KDM4C: variants seen among roughly 807,000 people sequenced by gnomAD.
KDM4C encodes the protein lysine-specific demethylase 4C.
Under a neutral mutation model 129.3 loss-of-function variants are expected in KDM4C, and 81 were observed. That is an observed-to-expected ratio of 0.63 (90% CI 0.52 to 0.75). The LOEUF (loss-of-function observed/expected upper bound fraction) is 0.75. KDM4C is among the 30% of genes least tolerant of loss of function. KDM4C has a pLI of 0.00. For synonymous variants in KDM4C, 573 were observed against 456.1 expected (o/e 1.26, Z -3.26); for missense variants, 1,457 against 1,304.0 (o/e 1.12, Z -1.81).
chr9:6,970,719 C>G (rs1831822012), intron 8 of KDM4C, among the ~76,000 whole-genome samples: 1 of 152,082 alleles, frequency 6.6e-6, no homozygotes, highest in Non-Finnish European at 1.5e-5. Context: ...TGTTCTTGGA[C>G]AAAGGGAAGG....
At chr9:6,800,824 C>A (rs977439724) in intron 2 of KDM4C, among the ~76,000 whole-genome samples, 1 of 152,058 alleles carries the variant, frequency 6.6e-6, no homozygotes, top group Non-Finnish European at 1.5e-5. Context: ...GCTGAGCTTT[C>A]GCCATGTTGC....
intron 8 of KDM4C, chr9:6,947,943 GT>G (rs1046805790): frequency 1.3e-5 from 2 of 151,840 alleles, no homozygotes; most frequent in Non-Finnish European, 2.9e-5. Context: ...TTTTTTATTG[GT>G]TTGTCAGTCT....
At chr9:6,819,515 G>C (rs1026464603) in intron 4 of KDM4C, among the ~76,000 whole-genome samples, 3 of 152,228 alleles carry the variant, frequency 2.0e-5, no homozygotes, top group Non-Finnish European at 4.4e-5. Context: ...TCTGCAGGCT[G>C]TGTGGAAGCA....
chr9:7,026,915 C>T (rs528665090), intron 15 of KDM4C, among the ~76,000 whole-genome samples: 32 of 152,150 alleles, frequency 2.1e-4, no homozygotes, highest in African/African-American at 7.0e-4. Context: ...CATTTTTCAA[C>T]TCAGAATTTC....
intron 18 of KDM4C, among the ~76,000 whole-genome samples, chr9:7,109,042 A>G (rs1587686504): frequency 6.6e-6 from 1 of 152,218 alleles, no homozygotes; most frequent in Non-Finnish European, 1.5e-5. Context: ...TTAATTAGCC[A>G]AGGATGCAGA....
intron 18 of KDM4C, among the ~76,000 whole-genome samples, chr9:7,114,929 A>G (rs1431899372): frequency 6.6e-6 from 1 of 152,080 alleles, no homozygotes; most frequent in Non-Finnish European, 1.5e-5. Flanking sequence ...AAATACTAAA[A>G]TTAGCTGGTC....
intron 17 of KDM4C, among the ~76,000 whole-genome samples, chr9:7,086,677 G>T (rs1478356795): frequency 6.6e-6 from 1 of 152,168 alleles, no homozygotes; most frequent in East Asian, 1.9e-4. Flanking sequence ...CTGCTACGGG[G>T]TTACCAGCAG....
Position 7,175,344 on chromosome 9 carries a change from G to T in KDM4C, c.*615G>T, listed in dbSNP as rs906807528. On this transcript the variant is annotated 3_prime_UTR_variant, in exon 22 of 22. Transcript: ENST00000381309. ...TTTGATTGTGTCTGATGGGAACTGA[G>T]TTGTTGGCCTTTGTGAAATGAAATT... The T allele has an allele frequency of 1.3e-5, 2 of 152,628 alleles. No homozygotes were observed. The highest frequency in any genetic ancestry group is 6.5e-5 in the Admixed American group (1 of 15,282). The allele number at this position is 152,628 out of a possible 1,614,324, so 9.5% of individuals were successfully genotyped here.
At chr9:6,745,333 TCG>T (rs1817838909) in intron 1 of KDM4C, among the ~76,000 whole-genome samples, 2 of 152,064 alleles carry the variant, frequency 1.3e-5, no homozygotes, top group Non-Finnish European at 2.9e-5. Context: ...GGATGGTGGC[TCG>T]CACCTATAAT....
At chr9:6,804,031 T>A (rs555016940) in intron 2 of KDM4C, among the ~76,000 whole-genome samples, 28 of 152,232 alleles carry the variant, frequency 1.8e-4, no homozygotes, top group African/African-American at 6.3e-4. Context: ...CCATACTGGC[T>A]AGGCTGGTCT....
chr9:7,129,141 T>C lies in KDM4C; in HGVS notation c.2781+905T>C, dbSNP rs73403353. On this transcript the variant is annotated intron_variant, in intron 19 of 21. Transcript: ENST00000381309. ...TCATTCTGGGTCTCTGTTGATGCTT[T>C]GCTTTTGTTTGTATTTGGAAAGATA... 7.9e-3 allele frequency among the ~76,000 whole-genome samples: 1,201 copies of C among 152,302 alleles called. 12 individuals are homozygous for C. The highest frequency in any genetic ancestry group is 0.027 in the African/African-American group (1,124 of 41,566).
At chr9:7,114,154 T>A (rs1485410517) in intron 18 of KDM4C, among the ~76,000 whole-genome samples, 2 of 152,164 alleles carry the variant, frequency 1.3e-5, no homozygotes, top group Non-Finnish European at 2.9e-5. Flanking sequence ...CTACTCCTTA[T>A]TCTGTTTTCT....
intron 5 of KDM4C, among the ~76,000 whole-genome samples, chr9:6,858,190 A>T (rs1398782400): frequency 6.6e-6 from 1 of 152,074 alleles, no homozygotes; most frequent in Admixed American, 6.5e-5. Flanking sequence ...GCAAAATCTT[A>T]CCCATTGTGA....
intron 17 of KDM4C, among the ~76,000 whole-genome samples, chr9:7,067,805 T>C (rs554174630): frequency 1.3e-5 from 2 of 151,334 alleles, no homozygotes; most frequent in South Asian, 4.2e-4. Flanking sequence ...ATTTTTGACT[T>C]TTTTTTTTGA....
At chr9:7,049,944 A>G (rs577944257) in intron 17 of KDM4C, among the ~76,000 whole-genome samples, 1 of 152,206 alleles carries the variant, frequency 6.6e-6, no homozygotes, top group East Asian at 1.9e-4. Flanking sequence ...GTGGACTTAA[A>G]ACTCTAGAAT....
chr9:6,752,953 T>TCC (rs1242546229), upstream of KDM4C, among the ~76,000 whole-genome samples: 13 of 152,318 alleles, frequency 8.5e-5, no homozygotes, highest in Admixed American at 7.8e-4. Flanking sequence ...CTATGATCAT[T>TCC]AATGGAAGAA....
chr9:7,174,455 T>C (rs1024655622), intron 21 of KDM4C, 98 bp from the exon 22 acceptor site: 10 of 1,171,186 alleles, frequency 8.5e-6, no homozygotes, highest in Middle Eastern at 2.3e-4. Context: ...GACCTGGGCA[T>C]CTGCACCCTA....
intron 3 of KDM4C, among the ~76,000 whole-genome samples, chr9:6,812,998 A>G (rs995430156): frequency 6.6e-6 from 1 of 152,100 alleles, no homozygotes; most frequent in Non-Finnish European, 1.5e-5. Flanking sequence ...CAACATGGAG[A>G]AACCCCGTCT....
At chr9:7,003,430 G>T (rs1275164642) in intron 12 of KDM4C, among the ~76,000 whole-genome samples, 1 of 149,892 alleles carries the variant, frequency 6.7e-6, no homozygotes, top group Non-Finnish European at 1.5e-5. Flanking sequence ...ATTATCATGG[G>T]TGTTTTTTTT....
Sources: allele counts gnomAD v4.1 joint callset (sites outside exome capture counted in the v4.1 genomes callset), GRCh38; gene constraint gnomAD v4.1.1; transcripts MANE v1.5; gene names NCBI Gene and HGNC (gene_info 2026-07-23, HGNC 2026-07-21).